The following HIP1 variants were observed in gnomAD, a reference collection of about 807,000 sequenced individuals.
HIP1 encodes huntingtin-interacting protein 1.
HIP1 carries 65 observed loss-of-function variants against 147.6 expected under a neutral mutation model. The ratio of observed to expected loss-of-function variants is 0.44; its 90% CI spans 0.36 to 0.54. The LOEUF (loss-of-function observed/expected upper bound fraction) is 0.54, where lower values mean the gene tolerates loss of function less well. Ranked by LOEUF, HIP1 falls within the 20% of genes least tolerant of loss-of-function variation. The probability of loss-of-function intolerance (pLI) is 0.00; values close to 1 mark genes in which losing one functional copy is unlikely to be tolerated. For synonymous variants in HIP1, 479 were observed against 504.0 expected (o/e 0.95, Z 0.67); for missense variants, 1,061 against 1,299.6 (o/e 0.82, Z 2.82).
intron 1 of HIP1, among the ~76,000 whole-genome samples, chr7:75,641,896 A>G (rs1303250434): frequency 6.6e-6 from 1 of 152,162 alleles, no homozygotes. Context: ...CTCCAGCAAC[A>G]ATCCCCGCTC....
At chr7:75,563,352 T>A in intron 9 of HIP1, 89 bp from the exon 10 acceptor site, 1 of 1,134,140 alleles carries the variant, frequency 8.8e-7, no homozygotes. Context: ...TCCTGCCCCC[T>A]CCCCAGCCCA....
intron 22 of HIP1, among the ~76,000 whole-genome samples, chr7:75,550,865 C>T (rs992785685): frequency 6.6e-6 from 1 of 152,072 alleles, no homozygotes; most frequent in African/African-American, 2.4e-5. Flanking sequence ...CATCCTAATA[C>T]CTAGTAATTC....
intron 9 of HIP1, 56 bp from the exon 10 acceptor site, chr7:75,563,319 G>C (rs1795295776): frequency 1.3e-6 from 2 of 1,546,824 alleles, no homozygotes; most frequent in East Asian, 2.2e-5. Context: ...CCCCATGTAG[G>C]GGACAGAGCA....
At chr7:75,580,708 C>T (rs1796008370) in intron 7 of HIP1, among the ~76,000 whole-genome samples, 1 of 152,018 alleles carries the variant, frequency 6.6e-6, no homozygotes. Flanking sequence ...CACTGCAATC[C>T]AGCCTGGGCG....
chr7:75,604,039 C>T lies in HIP1; in HGVS notation c.121-4792G>A, dbSNP rs145471994. The stretch of plus-strand genomic sequence containing the variant: ...TCCTCAGTGACAGAACTGTCCCAAG[C>T]ACTGTCTTCCCTGTACATTTCCTCA... On this transcript the variant is annotated intron_variant, in intron 1 of 30. Transcript: ENST00000336926. 3.5e-4 allele frequency among the ~76,000 whole-genome samples: 53 copies of T among 152,268 alleles called. No individual in the cohort carries two copies. In the East Asian group the frequency reaches 8.7e-3, roughly 25 times the overall value.
intron 8 of HIP1, among the ~76,000 whole-genome samples, chr7:75,570,770 G>A (rs1795599031): frequency 6.6e-6 from 1 of 151,764 alleles, no homozygotes; most frequent in Non-Finnish European, 1.5e-5. Context: ...ACTTTGGGAG[G>A]CCGAGGCAGG....
In HIP1 at chr7:75,557,649, C is replaced by T; in HGVS notation, c.1581+5G>A. ...CATTTCCCGAGTGCTCCTCGTCCCA[C>T]TCACCTTCCGCTGGCCCTGGTCACT... On this transcript the variant is annotated splice_donor_5th_base_variant and intron_variant, in intron 16 of 30. Coordinates refer to ENST00000336926, the MANE Select transcript of HIP1 (RefSeq NM_005338.7). 4 of 1,608,146 alleles carry T rather than the reference C, an allele frequency of 2.5e-6. No individual in the cohort carries two copies. In the South Asian group the frequency reaches 3.3e-5, roughly 13 times the overall value.
intron 1 of HIP1, among the ~76,000 whole-genome samples, chr7:75,622,849 TTATCTATCTATCTATCTATCTATCTATC>T (rs57401190): frequency 2.7e-5 from 4 of 146,242 alleles, no homozygotes; most frequent in Admixed American, 7.0e-5. Context: ...AAATAAATAA[TTATCTATCTATCTATCTATCTATCTATC>T]TATCTATCTA....
At chr7:75,636,233 C>A (rs1554509679) in intron 1 of HIP1, among the ~76,000 whole-genome samples, 2 of 151,696 alleles carry the variant, frequency 1.3e-5, no homozygotes, top group African/African-American at 4.8e-5. Context: ...CGCCTGTAGT[C>A]CCAGCTACTA....
intron 1 of HIP1, among the ~76,000 whole-genome samples, chr7:75,734,895 G>A (rs1801969071): frequency 6.6e-6 from 1 of 152,168 alleles, no homozygotes; most frequent in African/African-American, 2.4e-5. Flanking sequence ...CAACCCCAAA[G>A]CCTGTGCTTT....
At chr7:75,555,360 C>G in intron 19 of HIP1, 56 bp downstream of exon 19, 1 of 1,601,842 alleles carries the variant, frequency 6.2e-7, no homozygotes, top group Non-Finnish European at 8.5e-7. Flanking sequence ...TCAACATCAA[C>G]AGAGTCTCAG....
intron 7 of HIP1, among the ~76,000 whole-genome samples, chr7:75,575,712 C>T (rs1384434937): frequency 2.6e-5 from 4 of 152,100 alleles, no homozygotes; most frequent in Non-Finnish European, 5.9e-5. Context: ...TGCAGACACT[C>T]AGCTCACACC....
intron 1 of HIP1, among the ~76,000 whole-genome samples, chr7:75,685,579 G>A (rs758096593): frequency 6.6e-6 from 1 of 152,098 alleles, no homozygotes; most frequent in East Asian, 1.9e-4. Context: ...ACGAAGTCTC[G>A]CTCTTGTCGC....
In HIP1 at chr7:75,533,713, G is replaced by A. The variant is rs782572361; in HGVS notation, c.*4459C>T. The A allele has an allele frequency of 2.1e-5, 5 of 232,640 alleles. No homozygotes were observed. In the South Asian group the frequency reaches 5.4e-4, roughly 25 times the overall value. The allele number at this position is 232,640 out of a possible 1,614,324, so 14.4% of individuals were successfully genotyped here. A position where few individuals can be genotyped will look rare whatever the true frequency, so the allele number is the denominator to read the frequency against. On this transcript the variant is annotated 3_prime_UTR_variant, in exon 31 of 31. Transcript: ENST00000336926. ...TCTGGAAAAATCTACTCTCAGAATCGAACCCAACAGCATTGAATTGTTTCC... is the reference window on the plus strand; with the variant it reads ...TCTGGAAAAATCTACTCTCAGAATCAAACCCAACAGCATTGAATTGTTTCC...
chr7:75,629,092 GAGTCCT>G (rs1798131871), intron 1 of HIP1, among the ~76,000 whole-genome samples: 1 of 152,172 alleles, frequency 6.6e-6, no homozygotes, highest in South Asian at 2.1e-4. Context: ...AGGCTGAACT[GAGTCCT>G]CCAAAGAGAG....
chr7:75,545,750 C>T (rs1363622213), intron 25 of HIP1, among the ~76,000 whole-genome samples: 1 of 151,918 alleles, frequency 6.6e-6, no homozygotes, highest in Non-Finnish European at 1.5e-5. Context: ...TTGAGACCAT[C>T]CTGTCTAACA....
chr7:75,559,974 G>T (rs1795166108), intron 13 of HIP1, 59 bp from the exon 14 acceptor site: 2 of 1,466,506 alleles, frequency 1.4e-6, no homozygotes, highest in African/African-American at 1.4e-5. Context: ...ACGGGCATGG[G>T]CCGGAGAAGC....
chr7:75,567,247 A>G (rs1287857509), intron 9 of HIP1, among the ~76,000 whole-genome samples: 4 of 150,988 alleles, frequency 2.6e-5, no homozygotes, highest in African/African-American at 7.4e-5. Context: ...TGGGGACAAG[A>G]GGCTGGCATT....
chr7:75,712,733 CTCAT>C (rs1554520213), intron 1 of HIP1, among the ~76,000 whole-genome samples: 1 of 152,180 alleles, frequency 6.6e-6, no homozygotes, highest in African/African-American at 2.4e-5. Context: ...GATTTACTCA[CTCAT>C]TCAATCCCTC....
Sources: allele counts gnomAD v4.1 joint callset (sites outside exome capture counted in the v4.1 genomes callset), GRCh38; gene constraint gnomAD v4.1.1; transcripts MANE v1.5; gene names NCBI Gene and HGNC (gene_info 2026-07-23, HGNC 2026-07-21).